DISP1: variants seen among roughly 807,000 people sequenced by gnomAD.
DISP1 encodes protein dispatched homolog 1.
DISP1 carries 30 observed loss-of-function variants against 37.3 expected under a neutral mutation model. The ratio of observed to expected loss-of-function variants is 0.80; its 90% confidence interval spans 0.60 to 1.09. DISP1 has a LOEUF of 1.09. DISP1 is among the 50% of genes least tolerant of loss of function. DISP1 has a pLI of 0.00. For synonymous variants in DISP1, 634 were observed against 690.2 expected (o/e 0.92, Z 1.28); for missense variants, 1,598 against 1,879.5 (o/e 0.85, Z 2.77).
At chr1:222,867,537 G>A (rs142177545) in intron 1 of DISP1, among the ~76,000 whole-genome samples, 4 of 152,164 alleles carry the variant, frequency 2.6e-5, no homozygotes, top group African/African-American at 9.6e-5. Flanking sequence ...AACTCCCCTC[G>A]CTGGGCTGTC....
chr1:222,969,290 A>G (rs1156577020), intron 3 of DISP1, among the ~76,000 whole-genome samples: 2 of 141,446 alleles, frequency 1.4e-5, no homozygotes, highest in African/African-American at 5.1e-5. Context: ...GAATCACTTG[A>G]GTCTAGGAGG....
At position 222,939,355 on chromosome 1, in the gene DISP1, A is replaced by ATTT. The variant is rs35313341; in HGVS notation, c.-17-3427_-17-3425dup. On this transcript the variant is annotated intron_variant, in intron 2 of 8. Transcript: ENST00000675850. ...GTGATTCTGATTATGAAGAAAAATA[A>ATTT]TTTTTTTTTTTTTTTTTTTTTTTTT... is the stretch of plus-strand genomic sequence containing the variant. 1.1e-3 allele frequency among the ~76,000 whole-genome samples: 125 copies of ATTT among 112,986 alleles called. 2 individuals are homozygous for ATTT. The highest frequency in any genetic ancestry group is 1.6e-3 in the African/African-American group (45 of 28,612). 74.1% of individuals were successfully genotyped at this position (112,986 alleles called of 152,430 possible).
At chr1:222,816,269 AT>A (rs1219516490) in intron 1 of DISP1, among the ~76,000 whole-genome samples, 3 of 152,032 alleles carry the variant, frequency 2.0e-5, no homozygotes, top group Non-Finnish European at 4.4e-5. Context: ...CCTTGCATTT[AT>A]GTTTTATTGG....
intron 1 of DISP1, among the ~76,000 whole-genome samples, chr1:222,877,161 A>C (rs372650241): frequency 9.2e-5 from 14 of 152,320 alleles, no homozygotes; most frequent in African/African-American, 3.1e-4. Context: ...TAATGTCTTC[A>C]TCCCAGTTTG....
rs761557353 is a variant in DISP1, at chr1:222,992,001, G to A, written c.792-12G>A. The A allele has an allele frequency of 2.4e-5, 38 of 1,600,462 alleles. No homozygotes were observed. Among genetic ancestry groups the A allele is most frequent in the African/African-American group, 6.7e-5 (5 of 74,588 alleles). ...GAACTTTATTGAAGATCAAATTGTCGTTCCATTTCAGCCATCGGGATGATA... is the reference window on the plus strand; with the variant it reads ...GAACTTTATTGAAGATCAAATTGTCATTCCATTTCAGCCATCGGGATGATA... On this transcript the variant is annotated splice_polypyrimidine_tract_variant and intron_variant, in intron 6 of 8. Coordinates refer to ENST00000675850, the MANE Select transcript of DISP1 (RefSeq NM_001377229.1).
chr1:222,995,504 G>C lies in DISP1; in HGVS notation c.987+522G>C, dbSNP rs112218279. 9.9e-3 allele frequency among the ~76,000 whole-genome samples: 1,508 copies of C among 152,286 alleles called. 25 individuals carry two copies. The highest frequency in any genetic ancestry group is 0.034 in the African/African-American group (1,424 of 41,550). On this transcript the variant is annotated intron_variant, in intron 8 of 8. Coordinates refer to ENST00000675850, the MANE Select transcript of DISP1 (RefSeq NM_001377229.1). ...TACAGTATCTATGTAAATGACCACA[G>C]TAATCCAATCCAAACTGCCCTGAAT...
intron 2 of DISP1, among the ~76,000 whole-genome samples, chr1:222,935,804 C>T (rs930966499): frequency 6.6e-6 from 1 of 152,124 alleles, no homozygotes; most frequent in Non-Finnish European, 1.5e-5. Flanking sequence ...CAGTTCTGAC[C>T]GCCAATTCCA....
chr1:222,853,450 A>G (rs1480823632), intron 1 of DISP1, among the ~76,000 whole-genome samples: 1 of 152,194 alleles, frequency 6.6e-6, no homozygotes, highest in Non-Finnish European at 1.5e-5. Flanking sequence ...CCCCATATTT[A>G]TTGCAGCATT....
chr1:222,855,757 T>C (rs1376923777), intron 1 of DISP1, among the ~76,000 whole-genome samples: 1 of 152,204 alleles, frequency 6.6e-6, no homozygotes, highest in East Asian at 1.9e-4. Context: ...ATTTTGAAGA[T>C]ATTTTGACTA....
chr1:222,941,077 T>C (rs575056984), intron 2 of DISP1, among the ~76,000 whole-genome samples: 1 of 152,334 alleles, frequency 6.6e-6, no homozygotes, highest in Non-Finnish European at 1.5e-5. Flanking sequence ...TTCAGTAAAC[T>C]GAAGCATAAA....
intron 1 of DISP1, among the ~76,000 whole-genome samples, chr1:222,879,545 GTGAT>G (rs1269622245): frequency 6.6e-6 from 1 of 152,122 alleles, no homozygotes; most frequent in Non-Finnish European, 1.5e-5. Context: ...TGAATAAAAT[GTGAT>G]TGTGTACATT....
chr1:222,894,108 G>A lies in DISP1; in HGVS notation c.-158-34322G>A, dbSNP rs559604616. On this transcript the variant is annotated intron_variant, in intron 1 of 8. Transcript: ENST00000675850. ...GGTGGGTGGTTATGGGTCTCATAAGGCAGGAAGTGTGTACTGGTTGATCCA... is the reference window on the plus strand; with the variant it reads ...GGTGGGTGGTTATGGGTCTCATAAGACAGGAAGTGTGTACTGGTTGATCCA... Among the ~76,000 whole-genome samples, 8 of 152,280 alleles carry A rather than the reference G, an allele frequency of 5.3e-5. No individual in the cohort carries two copies. The East Asian group carries it at 1.5e-3, about 29-fold the overall frequency.
Position 222,991,604 on chromosome 1 carries a change from T to G in DISP1, c.748T>G (p.Leu250Val). The part of the protein sequence containing the change: ...MVKNTGYKAT[L>V]ANYPFKYADE... ...GAAAAATACAGGATACAAAGCAACA[T>G]TAGCAAATTATCCCTTTAAATATGC... The change falls in exon 6 of 9, where the codon TTA (leucine) becomes GTA (valine). Residue 250 changes from leucine to valine, a missense_variant. Leu to Val is a conservative substitution (Grantham distance 32, BLOSUM62 1). Transcript: ENST00000675850. 1 of 1,613,738 alleles carries G rather than the reference T, an allele frequency of 6.2e-7. No homozygotes were observed.
At chr1:222,829,387 C>T (rs1665187223) in intron 1 of DISP1, among the ~76,000 whole-genome samples, 1 of 151,232 alleles carries the variant, frequency 6.6e-6, no homozygotes, top group Admixed American at 6.6e-5. Context: ...GACTTAACTT[C>T]TTAAAACGTA....
chr1:222,936,466 A>G, intron 2 of DISP1, among the ~76,000 whole-genome samples: 1 of 149,774 alleles, frequency 6.7e-6, no homozygotes, highest in Non-Finnish European at 1.5e-5. Flanking sequence ...ATTATTTTGA[A>G]CCATCTAATC....
chr1:222,846,472 C>G (rs1667908164), intron 1 of DISP1, among the ~76,000 whole-genome samples: 1 of 151,258 alleles, frequency 6.6e-6, no homozygotes, highest in East Asian at 1.9e-4. Context: ...GCCTGGGCAA[C>G]AAGAGTGAAA....
At chr1:222,982,374 C>T (rs531446901) in intron 3 of DISP1, among the ~76,000 whole-genome samples, 50 of 152,258 alleles carry the variant, frequency 3.3e-4, no homozygotes, top group Admixed American at 1.3e-3. Flanking sequence ...GTTTGTTCAA[C>T]AAATATTTAT....
At chr1:222,879,309 CTA>C (rs1670148188) in intron 1 of DISP1, among the ~76,000 whole-genome samples, 1 of 152,076 alleles carries the variant, frequency 6.6e-6, no homozygotes, top group South Asian at 2.1e-4. Context: ...TTCTTTAAAG[CTA>C]AACAATATGG....
chr1:222,894,286 C>T (rs1402305156), intron 1 of DISP1, among the ~76,000 whole-genome samples: 4 of 152,194 alleles, frequency 2.6e-5, no homozygotes, highest in African/African-American at 9.6e-5. Flanking sequence ...GCCAGTCTGC[C>T]TCCTGACACC....
Sources: gnomAD v4.1 joint callset for allele counts (sites outside exome capture counted in the v4.1 genomes callset) on GRCh38, gnomAD v4.1.1 for gene constraint, MANE v1.5 for transcripts, NCBI Gene and HGNC (gene_info 2026-07-23, HGNC 2026-07-21) for gene names.